Variants in KHDRBS3 observed in about 807,000 individuals in gnomAD.
KHDRBS3 encodes the protein KH domain-containing, RNA-binding, signal transduction-associated protein 3.
A neutral mutation model predicts 45.6 loss-of-function variants in KHDRBS3; 23 were observed. That is an observed-to-expected ratio of 0.50 (90% CI 0.36 to 0.72). KHDRBS3 has a LOEUF of 0.72. Ranked by LOEUF, KHDRBS3 falls within the 30% of genes least tolerant of loss-of-function variation. The pLI is 0.00. For synonymous variants in KHDRBS3, 162 were observed against 156.5 expected (o/e 1.04, Z -0.26); for missense variants, 352 against 424.8 (o/e 0.83, Z 1.51).
chr8:135,536,071 T>C (rs188938521), intron 2 of KHDRBS3, among the ~76,000 whole-genome samples: 5 of 152,066 alleles, frequency 3.3e-5, no homozygotes, highest in African/African-American at 9.7e-5. Flanking sequence ...GGTTTCAACT[T>C]TTCTAATTGG....
chr8:135,621,915 CAAT>C (rs1221583316), intron 7 of KHDRBS3, among the ~76,000 whole-genome samples: 1 of 151,664 alleles, frequency 6.6e-6, no homozygotes, highest in Non-Finnish European at 1.5e-5. Context: ...TGGTTTTTAT[CAAT>C]GAAGGTGCTC....
At chr8:135,487,448 G>T (rs1822919491) in intron 1 of KHDRBS3, among the ~76,000 whole-genome samples, 1 of 152,184 alleles carries the variant, frequency 6.6e-6, no homozygotes, top group Admixed American at 6.5e-5. Context: ...CTAGATAGAG[G>T]AGAGGAGGGG....
intron 7 of KHDRBS3, among the ~76,000 whole-genome samples, chr8:135,620,815 G>T (rs562843903): frequency 2.6e-5 from 4 of 152,016 alleles, no homozygotes; most frequent in Non-Finnish European, 5.9e-5. Flanking sequence ...CTGTGTTTCC[G>T]CAATGCTCTG....
intron 1 of KHDRBS3, among the ~76,000 whole-genome samples, chr8:135,513,490 A>G (rs1314383576): frequency 7.9e-5 from 12 of 152,170 alleles, no homozygotes; most frequent in Non-Finnish European, 1.3e-4. Flanking sequence ...ACAGCCATAT[A>G]ATTAAGTACC....
intron 5 of KHDRBS3, among the ~76,000 whole-genome samples, chr8:135,559,944 A>G (rs928654719): frequency 2.6e-5 from 4 of 151,942 alleles, no homozygotes; most frequent in African/African-American, 9.7e-5. Context: ...GTCCAGGCAC[A>G]GTGGCTTATG....
chr8:135,458,913 A>G (rs775362267), intron 1 of KHDRBS3: 7 of 456,084 alleles, frequency 1.5e-5, no homozygotes, highest in Middle Eastern at 3.2e-4. Flanking sequence ...CATGCACGGT[A>G]AATTAAGCCT....
intron 7 of KHDRBS3, among the ~76,000 whole-genome samples, chr8:135,626,376 C>G (rs1415046734): frequency 6.6e-6 from 1 of 152,164 alleles, no homozygotes; most frequent in Admixed American, 6.5e-5. Context: ...AAATGAAAAC[C>G]TGAGCCTATA....
At chr8:135,553,197 C>G (rs1450975004) in intron 4 of KHDRBS3, among the ~76,000 whole-genome samples, 1 of 152,110 alleles carries the variant, frequency 6.6e-6, no homozygotes, top group Non-Finnish European at 1.5e-5. Flanking sequence ...CATCCTTAGG[C>G]AAGCAGGCCA....
chr8:135,521,356 G>A lies in KHDRBS3; in HGVS notation c.207+1G>A. On this transcript the variant is annotated splice_donor_variant, in intron 2 of 8. Transcript: ENST00000355849. LOFTEE classifies it high-confidence loss of function. ...AATTCCCGTAAAACAGTTCCCTAAG[G>A]TAAGACAGTGAGGTCTACACTGCAG... 6.5e-7 allele frequency: 1 copy of A among 1,539,570 alleles called. No homozygotes were observed. The highest frequency in any genetic ancestry group is 9.0e-7 in the Non-Finnish European group (1 of 1,112,242).
chr8:135,545,739 C>T (rs186711025), intron 3 of KHDRBS3, among the ~76,000 whole-genome samples: 20 of 152,226 alleles, frequency 1.3e-4, no homozygotes, highest in African/African-American at 4.6e-4. Flanking sequence ...CATTTTTGTC[C>T]CATACTGCGC....
chr8:135,637,712 G>T (rs1364068843), intron 7 of KHDRBS3, among the ~76,000 whole-genome samples: 5 of 152,120 alleles, frequency 3.3e-5, no homozygotes, highest in Admixed American at 3.3e-4. Flanking sequence ...AGCCATTCGT[G>T]TATCTGTTGG....
chr8:135,517,077 C>G (rs759755314), intron 1 of KHDRBS3, among the ~76,000 whole-genome samples: 1 of 151,964 alleles, frequency 6.6e-6, no homozygotes, highest in Non-Finnish European at 1.5e-5. Flanking sequence ...AACAAATGAA[C>G]AAACAAAAAA....
chr8:135,488,065 A>G (rs972415918), intron 1 of KHDRBS3, among the ~76,000 whole-genome samples: 1 of 152,216 alleles, frequency 6.6e-6, no homozygotes, highest in Non-Finnish European at 1.5e-5. Context: ...ATGTGTATGT[A>G]TAAGTGTGTA....
chr8:135,570,422 G>A (rs1167663284), intron 5 of KHDRBS3, among the ~76,000 whole-genome samples: 1 of 152,106 alleles, frequency 6.6e-6, no homozygotes, highest in East Asian at 1.9e-4. Context: ...TAGGAAAACT[G>A]AATAGTTAAT....
chr8:135,561,448 C>T (rs918999554), intron 5 of KHDRBS3, among the ~76,000 whole-genome samples: 12 of 151,864 alleles, frequency 7.9e-5, no homozygotes, highest in African/African-American at 2.7e-4. Context: ...TTGGTAGAGC[C>T]GGGTGGAATC....
At chr8:135,499,185 A>G (rs923828900) in intron 1 of KHDRBS3, among the ~76,000 whole-genome samples, 1 of 152,156 alleles carries the variant, frequency 6.6e-6, no homozygotes, top group African/African-American at 2.4e-5. Context: ...TGTCATTGTG[A>G]TGTGCATACG....
rs565963096 is a variant in KHDRBS3 at position 135,607,276 on chromosome 8, C to G, written c.890+239C>G. On this transcript the variant is annotated intron_variant, in intron 7 of 8. Transcript: ENST00000355849. ...AAACTGAAATTTTAGTCTAAAAATT[C>G]AACTTAAATGTTCAGTATATTTTGA... 3.6e-4 allele frequency among the ~76,000 whole-genome samples: 55 copies of G among 152,290 alleles called. 1 individual carries two copies. The South Asian group carries it at 0.011, about 29-fold the overall frequency.
At chr8:135,641,948 C>A (rs1210716468) in intron 7 of KHDRBS3, among the ~76,000 whole-genome samples, 3 of 152,188 alleles carry the variant, frequency 2.0e-5, no homozygotes, top group Non-Finnish European at 2.9e-5. Context: ...TTGATCTGCT[C>A]TCTTTTCAGT....
chr8:135,649,239 G>A (rs1402414865), downstream of KHDRBS3, among the ~76,000 whole-genome samples: 1 of 151,984 alleles, frequency 6.6e-6, no homozygotes, highest in African/African-American at 2.4e-5. Flanking sequence ...TGATCTTCCA[G>A]AGAGTCTTAC....
Sources: gnomAD v4.1 joint callset for allele counts (sites outside exome capture counted in the v4.1 genomes callset) on GRCh38, gnomAD v4.1.1 for gene constraint, MANE v1.5 for transcripts, NCBI Gene and HGNC (gene_info 2026-07-23, HGNC 2026-07-21) for gene names.